DAD1: variants seen among roughly 807,000 people sequenced by gnomAD.
DAD1 encodes dolichyl-diphosphooligosaccharide--protein glycosyltransferase subunit DAD1.
Under a neutral mutation model 9.0 loss-of-function variants are expected in DAD1, and 4 were observed. The observed-to-expected ratio is 0.44, with a 90% confidence interval of 0.22 to 1.01. The LOEUF is 1.01. Among genes scored for constraint, DAD1 ranks in the 50% least tolerant of loss-of-function variants. The pLI is 0.24. For missense variants in DAD1, 119 were observed against 137.3 expected (o/e 0.87, Z 0.67); for synonymous variants, 60 against 62.5 (o/e 0.96, Z 0.19).
At chr14:22,566,941 A>T (rs1328046625) in intron 2 of DAD1, 1 of 152,212 alleles carries the variant, frequency 6.6e-6, no homozygotes, top group Non-Finnish European at 1.5e-5. Context: ...AGGTTCTAGG[A>T]TTCTTTGAAA....
chr14:22,565,268 G>A (rs574454766), intron 2 of DAD1, 131 bp from the exon 3 acceptor site: 38 of 561,036 alleles, frequency 6.8e-5, no homozygotes, highest in East Asian at 9.0e-5. Flanking sequence ...TAAACCAGGC[G>A]AGAAAAACTA....
intron 1 of DAD1, among the ~76,000 whole-genome samples, chr14:22,581,743 CAAAAAAAAA>C (rs59052046): frequency 1.1e-4 from 4 of 36,734 alleles, no homozygotes; most frequent in East Asian, 2.2e-3. Context: ...AACTCCATCT[CAAAAAAAAA>C]AAAAAAAAAA....
At chr14:22,586,668 A>G (rs1454693267) in intron 1 of DAD1, among the ~76,000 whole-genome samples, 1 of 152,182 alleles carries the variant, frequency 6.6e-6, no homozygotes, top group Non-Finnish European at 1.5e-5. Flanking sequence ...CTCTTGCAAC[A>G]GGAAATTCCA....
At chr14:22,587,718 A>T (rs1475666198) in intron 1 of DAD1, among the ~76,000 whole-genome samples, 2 of 151,976 alleles carry the variant, frequency 1.3e-5, no homozygotes, top group Non-Finnish European at 1.5e-5. Flanking sequence ...TGTAACTTTA[A>T]GCACAGCACC....
chr14:22,576,661 T>C (rs2037079661), intron 1 of DAD1, among the ~76,000 whole-genome samples: 1 of 152,088 alleles, frequency 6.6e-6, no homozygotes, highest in Non-Finnish European at 1.5e-5. Flanking sequence ...AAAGGTACAA[T>C]AAAGGGCACA....
intron 1 of DAD1, among the ~76,000 whole-genome samples, chr14:22,579,840 CTTTT>C (rs34081969): frequency 3.1e-5 from 4 of 129,244 alleles, no homozygotes; most frequent in Non-Finnish European, 3.2e-5. Flanking sequence ...AAAGCCAATC[CTTTT>C]TTTTTTTTTT....
chr14:22,570,530 T>A (rs2139236719), intron 2 of DAD1, among the ~76,000 whole-genome samples: 1 of 152,288 alleles, frequency 6.6e-6, no homozygotes, highest in East Asian at 1.9e-4. Context: ...TCATGTTTTG[T>A]AGTAGCCGCT....
At chr14:22,581,398 C>T (rs8019919) in intron 1 of DAD1, among the ~76,000 whole-genome samples, 13,641 of 152,114 alleles carry the variant, frequency 0.09, 1,118 homozygotes, top group African/African-American at 0.21. Flanking sequence ...ATGTAAAAAT[C>T]TGGGGGCAGA....
chr14:22,580,424 C>CA (rs57299166), intron 1 of DAD1, among the ~76,000 whole-genome samples: 17,859 of 146,890 alleles, frequency 0.12, 1,133 homozygotes, highest in South Asian at 0.18. Flanking sequence ...AAGACCGTCT[C>CA]AAAAAAAAAG....
intron 1 of DAD1, among the ~76,000 whole-genome samples, chr14:22,576,198 G>T (rs1323955875): frequency 6.6e-6 from 1 of 152,142 alleles, no homozygotes; most frequent in Non-Finnish European, 1.5e-5. Flanking sequence ...TCTATTTAGG[G>T]ATAATGATTC....
At chr14:22,577,763 C>A (rs2037087787) in intron 1 of DAD1, among the ~76,000 whole-genome samples, 1 of 152,080 alleles carries the variant, frequency 6.6e-6, no homozygotes, top group Non-Finnish European at 1.5e-5. Flanking sequence ...ATGGTAGATG[C>A]CAGGGACTGA....
intron 2 of DAD1, 64 bp from the exon 3 acceptor site, chr14:22,565,201 C>G: frequency 1.4e-6 from 1 of 696,886 alleles, no homozygotes; most frequent in African/African-American, 1.8e-5. Context: ...CCAAATCCTT[C>G]CATCTAAATT....
chr14:22,583,399 C>T (rs1348153909), intron 1 of DAD1, among the ~76,000 whole-genome samples: 1 of 150,746 alleles, frequency 6.6e-6, no homozygotes, highest in African/African-American at 2.4e-5. Flanking sequence ...TACACAGAAG[C>T]CAATACCTAC....
rs775041227 is a variant in DAD1, at chr14:22,589,207, G to C, written c.-50C>G. ...CGCGCCCCAAACTCTTGGAGGACCC[G>C]TCGACCACACCGGATGTGCTGTTTG... On this transcript the variant is annotated 5_prime_UTR_variant, in exon 1 of 3. Transcript: ENST00000250498. The C allele has an allele frequency of 1.3e-6, 2 of 1,588,012 alleles. No homozygotes were observed. Among genetic ancestry groups the C allele is most frequent in the Non-Finnish European group, 1.7e-6 (2 of 1,158,158 alleles).
intron 2 of DAD1, among the ~76,000 whole-genome samples, chr14:22,572,834 C>CA (rs1331920126): frequency 1.3e-5 from 2 of 152,108 alleles, no homozygotes; most frequent in East Asian, 3.9e-4. Flanking sequence ...CTAGAGTAAG[C>CA]AATCAGAAGA....
intron 2 of DAD1, chr14:22,567,139 C>A (rs2037006812): frequency 6.6e-6 from 1 of 152,182 alleles, no homozygotes; most frequent in Non-Finnish European, 1.5e-5. Flanking sequence ...GAAGACAGTG[C>A]CATTTAATCA....
At chr14:22,570,497 C>T (rs1441580332) in intron 2 of DAD1, among the ~76,000 whole-genome samples, 1 of 152,188 alleles carries the variant, frequency 6.6e-6, no homozygotes, top group Non-Finnish European at 1.5e-5. Context: ...GTATCAGTAG[C>T]TTCTTCCCCC....
At chr14:22,573,579 G>A (rs1351614641) in intron 2 of DAD1, among the ~76,000 whole-genome samples, 6 of 151,596 alleles carry the variant, frequency 4.0e-5, no homozygotes, top group South Asian at 2.1e-4. Context: ...GCGTGGTGGC[G>A]GGCGCCTGTA....
chr14:22,586,416 A>G (rs1320774469), intron 1 of DAD1, among the ~76,000 whole-genome samples: 2 of 151,754 alleles, frequency 1.3e-5, no homozygotes, highest in East Asian at 3.9e-4. Context: ...GTGGTGGCAC[A>G]TGCCTGTAAT....
Sources: gnomAD v4.1 joint callset for allele counts (sites outside exome capture counted in the v4.1 genomes callset) on GRCh38, gnomAD v4.1.1 for gene constraint, MANE v1.5 for transcripts, NCBI Gene and HGNC (gene_info 2026-07-23, HGNC 2026-07-21) for gene names.